VPS13B: variants seen among roughly 807,000 people sequenced by gnomAD.
VPS13B encodes the protein vacuolar protein sorting 13 homolog B, also known as intermembrane lipid transfer protein VPS13B.
In VPS13B, 285 loss-of-function variants were observed where a neutral mutation model predicts 426.4. The ratio of observed to expected loss-of-function variants is 0.67; its 90% CI spans 0.61 to 0.74. The LOEUF is 0.74. VPS13B is among the 30% of genes least tolerant of loss of function. The pLI, the probability that VPS13B is intolerant of heterozygous loss-of-function variation, is 0.00. For missense variants in VPS13B, 4,537 were observed against 4,782.6 expected (o/e 0.95, Z 1.51); for synonymous variants, 1,676 against 1,676.4 (o/e 1.00, Z 0.01).
At chr8:99,596,435 G>C (rs552371203) in intron 33 of VPS13B, among the ~76,000 whole-genome samples, 1 of 151,942 alleles carries the variant, frequency 6.6e-6, no homozygotes, top group Non-Finnish European at 1.5e-5. Flanking sequence ...TTTTTCTCAG[G>C]TAACAGTCCT....
chr8:99,492,558 T>C (rs1820670222), intron 25 of VPS13B, among the ~76,000 whole-genome samples: 3 of 152,214 alleles, frequency 2.0e-5, no homozygotes, highest in African/African-American at 7.2e-5. Flanking sequence ...GTTTACTTAC[T>C]GAAGCCTCAG....
At position 99,854,270 on chromosome 8, in the gene VPS13B, C is replaced by A. The variant is rs1389439605; in HGVS notation, c.10867+14C>A. 1 of 1,611,538 alleles carries A rather than the reference C, an allele frequency of 6.2e-7. No individual in the cohort carries two copies. Among genetic ancestry groups the A allele is most frequent in the Non-Finnish European group, 8.5e-7 (1 of 1,179,298 alleles). On this transcript the variant is annotated intron_variant, in intron 56 of 61. Coordinates refer to ENST00000357162, the MANE Select transcript of VPS13B (RefSeq NM_152564.5). ...TTTTTAGAGCAGGTAAGAACACAAG[C>A]TGAGGGTCTGTGATGAGCTAGAGCC...
intron 22 of VPS13B, among the ~76,000 whole-genome samples, chr8:99,432,425 G>A (rs1272390133): frequency 6.6e-6 from 1 of 152,048 alleles, no homozygotes; most frequent in Admixed American, 6.6e-5. Flanking sequence ...CAAAATTACA[G>A]CTATATTAAG....
chr8:99,618,807 T>A (rs539098025), intron 33 of VPS13B, among the ~76,000 whole-genome samples: 27 of 152,344 alleles, frequency 1.8e-4, no homozygotes, highest in East Asian at 3.9e-4. Flanking sequence ...GTGGCTTTTT[T>A]AATCAGCTTT....
chr8:99,807,424 T>C (rs1175233603), intron 43 of VPS13B, among the ~76,000 whole-genome samples: 1 of 151,726 alleles, frequency 6.6e-6, no homozygotes, highest in Non-Finnish European at 1.5e-5. Flanking sequence ...CCTCATTATT[T>C]TTTTTTTTTT....
At chr8:99,532,940 G>GTT (rs1359948269) in intron 30 of VPS13B, among the ~76,000 whole-genome samples, 86 of 128,718 alleles carry the variant, frequency 6.7e-4, no homozygotes, top group African/African-American at 1.7e-3. Flanking sequence ...ACTGAGGGGT[G>GTT]TTTTTTTTTT....
intron 29 of VPS13B, among the ~76,000 whole-genome samples, chr8:99,514,699 A>G (rs1396129411): frequency 3.3e-5 from 5 of 152,174 alleles, no homozygotes; most frequent in Admixed American, 3.3e-4. Flanking sequence ...CAGTTGGGTC[A>G]TTTCCACCCT....
intron 2 of VPS13B, among the ~76,000 whole-genome samples, chr8:99,017,783 C>T (rs1841696351): frequency 6.6e-6 from 1 of 152,146 alleles, no homozygotes. Flanking sequence ...TGAGCCACCA[C>T]GCCCAGCCTA....
At chr8:99,692,805 T>A (rs1431478968) in intron 35 of VPS13B, among the ~76,000 whole-genome samples, 2 of 146,636 alleles carry the variant, frequency 1.4e-5, no homozygotes, top group African/African-American at 2.6e-5. Context: ...TAGCAAGACT[T>A]ATAAAGAAAA....
intron 19 of VPS13B, among the ~76,000 whole-genome samples, chr8:99,345,819 G>T (rs1354875201): frequency 6.6e-6 from 1 of 152,160 alleles, no homozygotes; most frequent in Non-Finnish European, 1.5e-5. Context: ...CTGAAAACCG[G>T]AAGGCAAGGG....
chr8:99,629,122 A>C (rs1306764979), intron 33 of VPS13B, among the ~76,000 whole-genome samples: 2 of 152,136 alleles, frequency 1.3e-5, no homozygotes, highest in African/African-American at 4.8e-5. Flanking sequence ...TTTTTGCCTT[A>C]AAATGGGGAT....
intron 43 of VPS13B, chr8:99,799,123 T>C (rs1813003334): frequency 6.6e-6 from 1 of 152,226 alleles, no homozygotes; most frequent in Non-Finnish European, 1.5e-5. Flanking sequence ...GAGCTTGTTA[T>C]TTAAAGGTCA....
intron 10 of VPS13B, 118 bp downstream of exon 10, chr8:99,135,255 G>A: frequency 5.0e-6 from 7 of 1,413,788 alleles, no homozygotes; most frequent in Non-Finnish European, 6.7e-6. Context: ...TGAGAGAGGA[G>A]CTTTACTATT....
intron 16 of VPS13B, among the ~76,000 whole-genome samples, chr8:99,172,824 A>G (rs1812418217): frequency 6.6e-6 from 1 of 152,126 alleles, no homozygotes; most frequent in Admixed American, 6.6e-5. Context: ...CTGAGTCTTT[A>G]TGACGTACTT....
chr8:99,138,518 T>A (rs1810207480), intron 12 of VPS13B, among the ~76,000 whole-genome samples: 1 of 152,278 alleles, frequency 6.6e-6, no homozygotes, highest in Non-Finnish European at 1.5e-5. Context: ...CTGCTGTTAA[T>A]TTTCATGGGC....
At position 99,274,204 on chromosome 8, in the gene VPS13B, A is replaced by G. The variant is rs1376390404; in HGVS notation, c.2522A>G (p.Lys841Arg). Residue 841 changes from lysine to arginine, a missense_variant, in exon 18 of 62, where the codon AAA becomes AGA. Physicochemically the swap from Lys to Arg is conservative, Grantham distance 26 (BLOSUM62 2). This residue lies in a region of VPS13B where 4,311 missense variants were observed against 4,474.3 expected (regional missense o/e 0.96). Coordinates refer to ENST00000357162, the MANE Select transcript of VPS13B (RefSeq NM_152564.5). ...INEIFLSIGVKSKNPLPTLEG... is the reference protein window; with the variant it reads ...INEIFLSIGVRSKNPLPTLEG... ...TGCAGTTTTCTTTTATTAGGTGTGA[A>G]ATCTAAGAATCCCCTGCCAACTCTT... is the stretch of plus-strand genomic sequence containing the variant. The G allele has an allele frequency of 4.3e-6, 7 of 1,614,112 alleles. No individual in the cohort carries two copies. Among genetic ancestry groups the G allele is most frequent in the Non-Finnish European group, 5.1e-6 (6 of 1,180,002 alleles).
chr8:99,299,196 G>A (rs1045037068), intron 19 of VPS13B, among the ~76,000 whole-genome samples: 4 of 151,428 alleles, frequency 2.6e-5, no homozygotes, highest in African/African-American at 9.7e-5. Flanking sequence ...TGAGTAGCTG[G>A]GATTACAGGC....
chr8:99,510,385 A>G (rs1821720787), intron 28 of VPS13B, among the ~76,000 whole-genome samples: 1 of 152,218 alleles, frequency 6.6e-6, no homozygotes, highest in Non-Finnish European at 1.5e-5. Context: ...GGTTATTTCA[A>G]TTTCACCTGA....
intron 60 of VPS13B, chr8:99,871,213 A>C: frequency 1.6e-6 from 1 of 644,278 alleles, no homozygotes; most frequent in Non-Finnish European, 2.7e-6. Flanking sequence ...TCTAATGGGG[A>C]GAAAAGGAGC....
Sources: allele counts gnomAD v4.1 joint callset (sites outside exome capture counted in the v4.1 genomes callset), GRCh38; gene constraint gnomAD v4.1.1; regional missense constraint gnomAD v4.1.1; transcripts MANE v1.5; gene names NCBI Gene and HGNC (gene_info 2026-07-23, HGNC 2026-07-21).